Variants in CELF4 observed in about 807,000 individuals in gnomAD.
The protein encoded by CELF4 is CUGBP Elav-like family member 4.
In CELF4, 18 loss-of-function variants were observed where a neutral mutation model predicts 59.9. The ratio of observed to expected loss-of-function variants is 0.30; its 90% CI spans 0.21 to 0.45. CELF4 has a LOEUF of 0.45. Ranked by LOEUF, CELF4 falls within the 20% of genes least tolerant of loss-of-function variation. The pLI is 1.00. For missense variants in CELF4, 456 were observed against 689.0 expected (o/e 0.66, Z 3.79); for synonymous variants, 261 against 267.1 (o/e 0.98, Z 0.22).
intron 1 of CELF4, among the ~76,000 whole-genome samples, chr18:37,513,586 G>A (rs558023152): frequency 6.6e-6 from 1 of 152,204 alleles, no homozygotes; most frequent in East Asian, 1.9e-4. Flanking sequence ...TCACTCCAGG[G>A]CCTCTTTAGT....
intron 1 of CELF4, among the ~76,000 whole-genome samples, chr18:37,505,059 G>A (rs955936457): frequency 2.7e-5 from 4 of 150,440 alleles, no homozygotes; most frequent in Non-Finnish European, 5.9e-5. Flanking sequence ...AGAAAGGCAG[G>A]AGAAGTGCCT....
intron 2 of CELF4, among the ~76,000 whole-genome samples, chr18:37,363,228 A>G (rs908238017): frequency 1.3e-5 from 2 of 152,112 alleles, no homozygotes; most frequent in African/African-American, 4.8e-5. Context: ...GTAGGCTTTC[A>G]TGCTCAAAAA....
chr18:37,262,121 T>A (rs1157927158), intron 10 of CELF4, among the ~76,000 whole-genome samples: 1 of 152,152 alleles, frequency 6.6e-6, no homozygotes, highest in Non-Finnish European at 1.5e-5. Context: ...CCTCCCCAGC[T>A]CTATGTGCTG....
At chr18:37,444,696 G>A (rs2099743314) in intron 2 of CELF4, among the ~76,000 whole-genome samples, 2 of 151,614 alleles carry the variant, frequency 1.3e-5, no homozygotes, top group African/African-American at 4.9e-5. Flanking sequence ...GAGGTGGGGA[G>A]GTGCAGGGGT....
intron 3 of CELF4, among the ~76,000 whole-genome samples, chr18:37,309,153 T>C (rs917762427): frequency 1.3e-5 from 2 of 152,274 alleles, no homozygotes; most frequent in South Asian, 4.1e-4. Context: ...TCATCCTTAA[T>C]GGATCTGATG....
At chr18:37,492,780 C>T (rs554349165) in intron 1 of CELF4, among the ~76,000 whole-genome samples, 61 of 152,272 alleles carry the variant, frequency 4.0e-4, no homozygotes, top group African/African-American at 1.2e-3. Flanking sequence ...TCTATGGATT[C>T]GCATGTGGCC....
chr18:37,261,486 C>T (rs1028241992), intron 10 of CELF4, among the ~76,000 whole-genome samples: 5 of 152,354 alleles, frequency 3.3e-5, no homozygotes, highest in Non-Finnish European at 5.9e-5. Context: ...CCAGGCCTGA[C>T]GAAGAAGCCA....
At chr18:37,432,069 G>A (rs2099670569) in intron 2 of CELF4, among the ~76,000 whole-genome samples, 2 of 152,254 alleles carry the variant, frequency 1.3e-5, no homozygotes, top group African/African-American at 4.8e-5. Flanking sequence ...GGGAGGCTGT[G>A]AGGCTGGGAG....
chr18:37,358,960 G>T (rs1177510982), intron 2 of CELF4, among the ~76,000 whole-genome samples: 1 of 152,120 alleles, frequency 6.6e-6, no homozygotes, highest in Admixed American at 6.5e-5. Context: ...AAATTAGCTG[G>T]CATGGTAGCA....
At chr18:37,286,011 T>C (rs1288475491) in intron 3 of CELF4, among the ~76,000 whole-genome samples, 1 of 152,154 alleles carries the variant, frequency 6.6e-6, no homozygotes, top group African/African-American at 2.4e-5. Flanking sequence ...TTTTTTTTCC[T>C]TTACATCATG....
At chr18:37,550,619 G>A (rs2154605846) in intron 1 of CELF4, among the ~76,000 whole-genome samples, 1 of 152,362 alleles carries the variant, frequency 6.6e-6, no homozygotes, top group African/African-American at 2.4e-5. Context: ...GTGATCCGCA[G>A]GCCCCACTGG....
At chr18:37,541,501 C>T (rs1483701483) in intron 1 of CELF4, among the ~76,000 whole-genome samples, 1 of 152,142 alleles carries the variant, frequency 6.6e-6, no homozygotes, top group Non-Finnish European at 1.5e-5. Context: ...TCCGTGTCTG[C>T]TCTCCTATAG....
chr18:37,257,864 A>G (rs1229352768), intron 11 of CELF4, among the ~76,000 whole-genome samples: 1 of 152,114 alleles, frequency 6.6e-6, no homozygotes, highest in Non-Finnish European at 1.5e-5. Context: ...GAAGGAACGG[A>G]TGAAGGAGAA....
At chr18:37,415,928 C>T (rs1009169546) in intron 2 of CELF4, among the ~76,000 whole-genome samples, 6 of 152,126 alleles carry the variant, frequency 3.9e-5, no homozygotes, top group African/African-American at 9.7e-5. Flanking sequence ...TACAGGAGAA[C>T]GAGGCTCTGT....
At chr18:37,366,284 T>A (rs1253782775) in intron 2 of CELF4, among the ~76,000 whole-genome samples, 2 of 152,142 alleles carry the variant, frequency 1.3e-5, no homozygotes, top group Non-Finnish European at 2.9e-5. Flanking sequence ...TGTGGCCAGG[T>A]CTTCACTGTC....
chr18:37,516,884 A>G (rs1170035092), intron 1 of CELF4, among the ~76,000 whole-genome samples: 1 of 152,136 alleles, frequency 6.6e-6, no homozygotes, highest in African/African-American at 2.4e-5. Context: ...TCTCCTCCCC[A>G]TTTTAATACT....
chr18:37,296,393 G>A (rs1329727389), intron 3 of CELF4, among the ~76,000 whole-genome samples: 1 of 152,190 alleles, frequency 6.6e-6, no homozygotes, highest in African/African-American at 2.4e-5. Flanking sequence ...ACAGGGTTTT[G>A]CCATGTTGCC....
rs974921343 is a variant in CELF4, at chr18:37,253,519, C to G, written c.*44+248G>C. 1.3e-5 allele frequency among the ~76,000 whole-genome samples: 2 copies of G among 152,228 alleles called. No homozygotes were observed. The highest frequency in any genetic ancestry group is 4.8e-5 in the African/African-American group (2 of 41,470). ...AGGCGCAGGCCCAGGGCTCGCCTCA[C>G]CCGCCCGGAGTGGCTCCCTCACTCC... On this transcript the variant is annotated intron_variant, in intron 12 of 12. Transcript: ENST00000420428. The surrounding 1 kb of genome is among the most constrained non-coding windows in gnomAD (Gnocchi z 4.5).
chr18:37,486,648 G>C (rs79953125), intron 1 of CELF4, among the ~76,000 whole-genome samples: 1 of 152,208 alleles, frequency 6.6e-6, no homozygotes, highest in African/African-American at 2.4e-5. Context: ...TCACTATGGC[G>C]GAAGCAGGCT....
Sources: allele counts gnomAD v4.1 joint callset (sites outside exome capture counted in the v4.1 genomes callset), GRCh38; gene constraint gnomAD v4.1.1; non-coding constraint Gnocchi (gnomAD v3.1); transcripts MANE v1.5; gene names NCBI Gene and HGNC (gene_info 2026-07-23, HGNC 2026-07-21).